The following CFAP157 variants were observed in gnomAD, a reference collection of about 807,000 sequenced individuals.
The protein encoded by CFAP157 is cilia- and flagella-associated protein 157.
Under a neutral mutation model 57.8 loss-of-function variants are expected in CFAP157, and 43 were observed. That is an observed-to-expected ratio of 0.74 (90% CI 0.58 to 0.96). The LOEUF is 0.96. Ranked by LOEUF, CFAP157 falls within the 40% of genes least tolerant of loss-of-function variation. CFAP157 has a pLI of 0.00. For synonymous variants in CFAP157, 267 were observed against 269.0 expected (o/e 0.99, Z 0.07); for missense variants, 606 against 655.3 (o/e 0.92, Z 0.82).
chr9:127,711,723 C>G (rs1842769141), intron 4 of CFAP157, 97 bp from the exon 5 acceptor site: 6 of 1,387,328 alleles, frequency 4.3e-6, no homozygotes, highest in Non-Finnish European at 5.9e-6. Context: ...GGAGAGCTCA[C>G]TGGCCGCTCT....
At chr9:127,712,075 C>A in intron 5 of CFAP157, 124 bp from the exon 6 acceptor site, 1 of 1,506,068 alleles carries the variant, frequency 6.6e-7, no homozygotes, top group South Asian at 1.3e-5. Context: ...GCCAGACAGG[C>A]TGAGGCTTGG....
rs1441748016 is a variant in CFAP157 at position 127,710,692 on chromosome 9, G to A, written c.525G>A (p.Gln175=). 5 of 1,577,078 alleles carry A rather than the reference G, an allele frequency of 3.2e-6. No homozygotes were observed. The Admixed American group carries it at 9.3e-5, about 29-fold the overall frequency. ...FTLLEEQVRK[Q]ENEFRDYAYN... ...TGCTGGAGGAGCAGGTGCGGAAGCA[G>A]GAGAATGAGTTCAGGGACTATGCAT... is the stretch of plus-strand genomic sequence containing the variant. Residue 175 remains glutamine (Q), a synonymous_variant, in exon 3 of 9, where the codon CAG becomes CAA. Coordinates refer to ENST00000373295, the MANE Select transcript of CFAP157 (RefSeq NM_001012502.3).
In CFAP157 at chr9:127,715,803, G is replaced by A; in HGVS notation, c.*1898G>A. ...AGCGGCGAGGCGGTGGCCGAGTCCG[G>A]GAACCCAGGCGCCTTCAGTAGCGCG... is the stretch of plus-strand genomic sequence containing the variant. On this transcript the variant is annotated 3_prime_UTR_variant, in exon 9 of 9. Transcript: ENST00000373295. This position sits in a 1 kb window ranked among gnomAD's most constrained non-coding sequence, Gnocchi z 5.8. 1.4e-6 allele frequency: 2 copies of A among 1,390,256 alleles called. No individual in the cohort carries two copies. The highest frequency in any genetic ancestry group is 1.9e-6 in the Non-Finnish European group (2 of 1,034,382). The allele number at this position is 1,390,256 out of a possible 1,614,324, so 86.1% of individuals were successfully genotyped here. A position where few individuals can be genotyped will look rare whatever the true frequency, so the allele number is the denominator to read the frequency against.
rs769940134 is a variant in CFAP157 at position 127,707,004 on chromosome 9, G to A, written c.-28G>A. On this transcript the variant is annotated 5_prime_UTR_variant, in exon 1 of 9. Transcript: ENST00000373295. ...TTAGCAACCACCTGGCCTCTTCCTG[G>A]GGCCTGGAGCCCTGGTTGCCATCAG... 1.2e-5 allele frequency: 20 copies of A among 1,610,858 alleles called. No individual in the cohort carries two copies. The highest frequency in any genetic ancestry group is 4.5e-5 in the East Asian group (2 of 44,832).
Position 127,715,408 on chromosome 9 carries a change from T to C in CFAP157, c.*1503T>C, listed in dbSNP as rs764607173. ...GTGCAGGAACGGAGCTTCAAGAAGT[T>C]TGGAGCCCGTCGAGCACTGAACTCA... On this transcript the variant is annotated 3_prime_UTR_variant, in exon 9 of 9. Coordinates refer to ENST00000373295, the MANE Select transcript of CFAP157 (RefSeq NM_001012502.3). The surrounding 1 kb of genome is among the most constrained non-coding windows in gnomAD (Gnocchi z 5.8). The C allele has an allele frequency of 7.3e-7, 1 of 1,369,430 alleles. No homozygotes were observed. The highest frequency in any genetic ancestry group is 1.2e-5 in the South Asian group (1 of 81,020). 84.8% of individuals were successfully genotyped at this position (1,369,430 alleles called of 1,614,324 possible).
chr9:127,713,663 T>G (rs377039987), intron 8 of CFAP157, 171 bp from the exon 9 acceptor site: 15 of 525,712 alleles, frequency 2.9e-5, no homozygotes, highest in Non-Finnish European at 4.5e-5. Flanking sequence ...TGCACCACCA[T>G]GCCTGGCTAC....
chr9:127,715,061 G>T lies in CFAP157; in HGVS notation c.*1156G>T. On this transcript the variant is annotated 3_prime_UTR_variant, in exon 9 of 9. Transcript: ENST00000373295. This position sits in a 1 kb window ranked among gnomAD's most constrained non-coding sequence, Gnocchi z 5.8. The stretch of plus-strand genomic sequence containing the variant: ...TTGGGCATCCCCCAGCGGGGCCAGG[G>T]CGAGGTCGGCGGCACAGTGCCGGTC... 6.5e-7 allele frequency: 1 copy of T among 1,527,598 alleles called. No individual in the cohort carries two copies. The highest frequency in any genetic ancestry group is 8.7e-7 in the Non-Finnish European group (1 of 1,143,384). The allele number at this position is 1,527,598 out of a possible 1,614,324, so 94.6% of individuals were successfully genotyped here.
chr9:127,709,574 T>C lies in CFAP157; in HGVS notation c.314T>C (p.Leu105Pro), dbSNP rs1235209532. Residue 105 changes from leucine (L) to proline (P), a missense_variant, in exon 2 of 9, where the codon CTC (leucine) becomes CCC (proline). Physicochemically the swap from Leu to Pro is moderately conservative, Grantham distance 98 (BLOSUM62 -3). Transcript: ENST00000373295. The surrounding 1 kb of genome is among the most constrained non-coding windows in gnomAD (Gnocchi z 4.7). Reference sequence around the variant, plus strand: ...GAGATCACAGACCTCAACGAGCAGCTCCAGAACTTGCAGCTAGCCAAAGAG... The same window carrying C: ...GAGATCACAGACCTCAACGAGCAGCCCCAGAACTTGCAGCTAGCCAAAGAG... ...VDEITDLNEQ[L>P]QNLQLAKEME... The C allele has an allele frequency of 1.2e-6, 2 of 1,614,004 alleles. No homozygotes were observed. The highest frequency in any genetic ancestry group is 1.7e-6 in the Non-Finnish European group (2 of 1,180,016).
chr9:127,707,060 C>T lies in CFAP157; in HGVS notation c.29C>T (p.Ala10Val), dbSNP rs764934898. 3 of 1,613,850 alleles carry T rather than the reference C, an allele frequency of 1.9e-6. No homozygotes were observed. Among genetic ancestry groups the T allele is most frequent in the African/African-American group, 1.3e-5 (1 of 74,934 alleles). Residue 10 changes from alanine (A) to valine (V), a missense_variant, in exon 1 of 9, where the codon GCA (alanine) becomes GTA (valine). Physicochemically the swap from Ala to Val is moderately conservative, Grantham distance 64 (BLOSUM62 0). Coordinates refer to ENST00000373295, the MANE Select transcript of CFAP157 (RefSeq NM_001012502.3). Reference protein sequence around the residue: MAPKKSVSKAGKELEVKKKG... With the variant: MAPKKSVSKVGKELEVKKKG... Reference sequence around the variant, plus strand: ...GCTCCCAAAAAGAGTGTGAGCAAGGCAGGCAAGGAGCTTGAAGTCAAGAAG... The same window carrying T: ...GCTCCCAAAAAGAGTGTGAGCAAGGTAGGCAAGGAGCTTGAAGTCAAGAAG...
rs781114880 is a variant in CFAP157, at chr9:127,707,103, G to A, written c.72G>A (p.Glu24=). The part of the protein sequence containing the change: ...LEVKKKGGKK[E]PVVAVEPPLA... ...TCAAGAAGAAAGGGGGCAAGAAGGA[G>A]CCGGTGGTGGCCGTGGAGCCGCCTC... The change falls in exon 1 of 9, where the codon GAG becomes GAA. Residue 24 remains glutamate (E), a synonymous_variant. Coordinates refer to ENST00000373295, the MANE Select transcript of CFAP157 (RefSeq NM_001012502.3). 17 of 1,613,826 alleles carry A rather than the reference G, an allele frequency of 1.1e-5. No homozygotes were observed. The African/African-American group carries it at 2.1e-4, about 20-fold the overall frequency.
rs746183622 is a variant in CFAP157 at position 127,712,188 on chromosome 9, T to C, written c.987-11T>C. 1.9e-6 allele frequency: 3 copies of C among 1,613,654 alleles called. No homozygotes were observed. Among genetic ancestry groups the C allele is most frequent in the South Asian group, 1.1e-5 (1 of 91,022 alleles). On this transcript the variant is annotated splice_polypyrimidine_tract_variant and intron_variant, in intron 5 of 8. Coordinates refer to ENST00000373295, the MANE Select transcript of CFAP157 (RefSeq NM_001012502.3). ...GGGGAAGGCTGTTGACTCATCCCAGTTGGGGTCCAGGAGCCAGAGAGACCA... is the reference window on the plus strand; with the variant it reads ...GGGGAAGGCTGTTGACTCATCCCAGCTGGGGTCCAGGAGCCAGAGAGACCA...
At chr9:127,711,971 G>A (rs1588393963) in intron 5 of CFAP157, 21 bp downstream of exon 5, 1 of 1,593,344 alleles carries the variant, frequency 6.3e-7, no homozygotes, top group Non-Finnish European at 8.5e-7. Flanking sequence ...CCCACGGAGG[G>A]GCGGGCGGCG....
At position 127,715,550 on chromosome 9, in the gene CFAP157, C is replaced by T; in HGVS notation, c.*1645C>T. On this transcript the variant is annotated 3_prime_UTR_variant, in exon 9 of 9. Transcript: ENST00000373295. The surrounding 1 kb of genome is among the most constrained non-coding windows in gnomAD (Gnocchi z 5.8). ...GCCGCCCCACGCCACTCACCATCCA[C>T]CGCTTCCCCGGGGGGCGAGGCTCCA... The T allele has an allele frequency of 1.9e-6, 3 of 1,613,516 alleles. No individual in the cohort carries two copies. Among genetic ancestry groups the T allele is most frequent in the Non-Finnish European group, 2.5e-6 (3 of 1,180,038 alleles).
chr9:127,707,124 G>T lies in CFAP157; in HGVS notation c.93G>T (p.Pro31=). 1.2e-6 allele frequency: 2 copies of T among 1,613,678 alleles called. No homozygotes were observed. The highest frequency in any genetic ancestry group is 1.7e-6 in the Non-Finnish European group (2 of 1,179,970). ...GKKEPVVAVE[P]PLAKEMKEFY... is the part of the protein sequence containing the mutation. ...AGGAGCCGGTGGTGGCCGTGGAGCC[G>T]CCTCTGGCCAAGGAGATGAAGGAGT... The change falls in exon 1 of 9, where the codon CCG becomes CCT. Residue 31 remains proline (P), a synonymous_variant. Transcript: ENST00000373295.
chr9:127,710,875 C>T (rs779226277), intron 3 of CFAP157, 121 bp downstream of exon 3: 12 of 1,105,966 alleles, frequency 1.1e-5, no homozygotes, highest in Non-Finnish European at 1.6e-5. Context: ...ACCGCCGCCC[C>T]GACAACCTGC....
Position 127,715,977 on chromosome 9 carries a change from C to A in CFAP157, c.*2072C>A. On this transcript the variant is annotated 3_prime_UTR_variant, in exon 9 of 9. Transcript: ENST00000373295. The surrounding 1 kb of genome is among the most constrained non-coding windows in gnomAD (Gnocchi z 5.8). ...TTCCCCGCTGTAGGCCTCAACCTCT[C>A]CAGCTAATAAAAGTTTTCTACCTCC... 1.0e-6 allele frequency: 1 copy of A among 977,244 alleles called. No homozygotes were observed. The highest frequency in any genetic ancestry group is 2.2e-5 in the Admixed American group (1 of 46,356). The allele number at this position is 977,244 out of a possible 1,614,324, so 60.5% of individuals were successfully genotyped here. A position where few individuals can be genotyped will look rare whatever the true frequency, so the allele number is the denominator to read the frequency against.
chr9:127,710,685 G>T lies in CFAP157; in HGVS notation c.518G>T (p.Arg173Leu). Residue 173 changes from arginine (R) to leucine (L), a missense_variant, in exon 3 of 9, where the codon CGG becomes CTG. By Grantham distance (102) the Arg-to-Leu change is moderately radical (BLOSUM62 -2). Coordinates refer to ENST00000373295, the MANE Select transcript of CFAP157 (RefSeq NM_001012502.3). Reference sequence around the variant, plus strand: ...TTCACATTGCTGGAGGAGCAGGTGCGGAAGCAGGAGAATGAGTTCAGGGAC... The same window carrying T: ...TTCACATTGCTGGAGGAGCAGGTGCTGAAGCAGGAGAATGAGTTCAGGGAC... ...DKFTLLEEQV[R>L]KQENEFRDYA... The T allele has an allele frequency of 6.3e-7, 1 of 1,577,536 alleles. No homozygotes were observed. The highest frequency in any genetic ancestry group is 8.6e-7 in the Non-Finnish European group (1 of 1,160,944).
Position 127,710,599 on chromosome 9 carries a change from AG to A in CFAP157, c.438del. 5 of 1,578,458 alleles carry A rather than the reference AG, an allele frequency of 3.2e-6. No individual in the cohort carries two copies. Among genetic ancestry groups the A allele is most frequent in the Admixed American group, 1.8e-5 (1 of 54,522 alleles). ...TTGGGCCTTGTGCGCTGTGGCGGCC[AG>A]GGGGGAAGCTGGCAGCCCTGGAGGA... On this transcript the variant is annotated splice_acceptor_variant, in intron 2 of 8. Coordinates refer to ENST00000373295, the MANE Select transcript of CFAP157 (RefSeq NM_001012502.3). LOFTEE classifies it high-confidence loss of function.
Position 127,715,816 on chromosome 9 carries a change from C to T in CFAP157, c.*1911C>T, listed in dbSNP as rs1385041029. ...TGGCCGAGTCCGGGAACCCAGGCGC[C>T]TTCAGTAGCGCGGCGTCACAGTGTC... On this transcript the variant is annotated 3_prime_UTR_variant, in exon 9 of 9. Transcript: ENST00000373295. This position sits in a 1 kb window ranked among gnomAD's most constrained non-coding sequence, Gnocchi z 5.8. The T allele has an allele frequency of 1.6e-6, 2 of 1,261,632 alleles. No homozygotes were observed. Among genetic ancestry groups the T allele is most frequent in the Non-Finnish European group, 2.2e-6 (2 of 919,574 alleles). The allele number at this position is 1,261,632 out of a possible 1,614,324, so 78.2% of individuals were successfully genotyped here.
Sources: gnomAD v4.1 joint callset for allele counts on GRCh38, gnomAD v4.1.1 for gene constraint, Gnocchi (gnomAD v3.1) non-coding constraint, MANE v1.5 for transcripts, NCBI Gene and HGNC (gene_info 2026-07-23, HGNC 2026-07-21) for gene names.